The following RUNX1 variants were observed in gnomAD, a reference collection of about 807,000 sequenced individuals.
RUNX1 encodes the protein runt-related transcription factor 1.
A neutral mutation model predicts 42.8 loss-of-function variants in RUNX1; 19 were observed. The ratio of observed to expected loss-of-function variants is 0.44; its 90% confidence interval spans 0.31 to 0.65. RUNX1 has a LOEUF of 0.65. Among genes scored for constraint, RUNX1 ranks in the 30% least tolerant of loss-of-function variants. The pLI is 0.07. For synonymous variants in RUNX1, 271 were observed against 289.4 expected, an observed-to-expected ratio of 0.94 and a Z score of 0.64; for missense variants, 528 against 672.0, an observed-to-expected ratio of 0.79 and a Z score of 2.37.
At chr21:34,990,099 C>G (rs555942876) in intron 2 of RUNX1, among the ~76,000 whole-genome samples, 26 of 152,246 alleles carry the variant, frequency 1.7e-4, no homozygotes, top group African/African-American at 4.6e-4. Flanking sequence ...ACTCAAGGCT[C>G]TAAGGTTCTA....
intron 2 of RUNX1, among the ~76,000 whole-genome samples, chr21:34,923,933 A>G (rs2058373277): frequency 2.0e-5 from 3 of 152,154 alleles, no homozygotes; most frequent in Admixed American, 6.5e-5. Flanking sequence ...AGCCTTCTAT[A>G]GTCCCCAGTG....
intron 6 of RUNX1, among the ~76,000 whole-genome samples, chr21:34,847,042 A>G (rs1018450328): frequency 6.6e-6 from 1 of 152,220 alleles, no homozygotes; most frequent in African/African-American, 2.4e-5. Context: ...CCACAGGGGA[A>G]AAAAGGAATA....
At chr21:34,943,309 ACTTCTTT>A (rs201126648) in intron 2 of RUNX1, among the ~76,000 whole-genome samples, 10,744 of 152,262 alleles carry the variant, frequency 0.071, 528 homozygotes, top group African/African-American at 0.12. Context: ...TCCCCCTTTA[ACTTCTTT>A]GCTGTCTTTA....
chr21:35,020,026 C>T (rs545938411), intron 2 of RUNX1, among the ~76,000 whole-genome samples: 1 of 152,166 alleles, frequency 6.6e-6, no homozygotes, highest in South Asian at 2.1e-4. Flanking sequence ...CATCTTGGGT[C>T]TTAGGGTTTC....
At chr21:34,986,313 C>T (rs2058887545) in intron 2 of RUNX1, among the ~76,000 whole-genome samples, 1 of 151,886 alleles carries the variant, frequency 6.6e-6, no homozygotes, top group Non-Finnish European at 1.5e-5. Flanking sequence ...TTTCCTCAAA[C>T]CTGAAAGTTG....
At chr21:35,048,121 T>C (rs1473916899) in intron 2 of RUNX1, among the ~76,000 whole-genome samples, 1 of 152,222 alleles carries the variant, frequency 6.6e-6, no homozygotes, top group East Asian at 1.9e-4. Flanking sequence ...GGGAAACTTC[T>C]CTATTGCCCT....
chr21:34,991,521 G>T (rs1033367291), intron 2 of RUNX1, among the ~76,000 whole-genome samples: 1 of 150,284 alleles, frequency 6.7e-6, no homozygotes, highest in Non-Finnish European at 1.5e-5. Flanking sequence ...CTATGTGCCC[G>T]GCAGCATTCC....
intron 2 of RUNX1, among the ~76,000 whole-genome samples, chr21:34,906,059 A>G (rs2058215602): frequency 6.6e-6 from 1 of 152,256 alleles, no homozygotes; most frequent in South Asian, 2.1e-4. Flanking sequence ...TTCTGAAAAT[A>G]ACCTGAATTC....
intron 8 of RUNX1, among the ~76,000 whole-genome samples, chr21:34,798,869 G>A (rs921033879): frequency 2.6e-4 from 40 of 152,002 alleles, no homozygotes; most frequent in African/African-American, 9.2e-4. Flanking sequence ...ACCAAGGGGC[G>A]GCTGTATTTA....
chr21:34,846,543 C>T (rs1308611184), intron 6 of RUNX1, among the ~76,000 whole-genome samples: 1 of 152,110 alleles, frequency 6.6e-6, no homozygotes, highest in South Asian at 2.1e-4. Context: ...CTTCTTTCTC[C>T]TTCTGTAGAT....
intron 2 of RUNX1, among the ~76,000 whole-genome samples, chr21:34,978,937 T>TATACACACACACACACACACAC (rs71319521): frequency 7.5e-6 from 1 of 134,054 alleles, no homozygotes; most frequent in Non-Finnish European, 1.6e-5. Context: ...CACACACAGA[T>TATACACACACACACACACACAC]ACACACACAC....
intron 5 of RUNX1, among the ~76,000 whole-genome samples, chr21:34,872,041 A>C (rs1436171181): frequency 2.0e-5 from 3 of 151,994 alleles, no homozygotes; most frequent in Non-Finnish European, 4.4e-5. Context: ...ATGGGGTTTC[A>C]CCACGTTGGC....
intron 2 of RUNX1, among the ~76,000 whole-genome samples, chr21:34,925,132 TA>T (rs1184153469): frequency 1.3e-5 from 2 of 152,202 alleles, no homozygotes; most frequent in African/African-American, 2.4e-5. Flanking sequence ...ATGAAGTCCA[TA>T]AACTCTTCCC....
chr21:35,033,922 A>G (rs983809497), intron 2 of RUNX1, among the ~76,000 whole-genome samples: 4 of 152,234 alleles, frequency 2.6e-5, no homozygotes, highest in African/African-American at 9.6e-5. Context: ...CAATAATTTT[A>G]AAAGAGTTAA....
intron 2 of RUNX1, among the ~76,000 whole-genome samples, chr21:35,012,592 A>G (rs530076758): frequency 6.6e-6 from 1 of 152,352 alleles, no homozygotes; most frequent in South Asian, 2.1e-4. Flanking sequence ...ATTAATAAAA[A>G]TTAGTGACCC....
At chr21:34,917,482 G>A (rs1190824119) in intron 2 of RUNX1, among the ~76,000 whole-genome samples, 1 of 152,202 alleles carries the variant, frequency 6.6e-6, no homozygotes, top group Non-Finnish European at 1.5e-5. Flanking sequence ...ACCTAAAGGC[G>A]TGACTGGTTA....
At chr21:35,005,263 A>C (rs2834723) in intron 2 of RUNX1, among the ~76,000 whole-genome samples, 34,776 of 151,948 alleles carry the variant, frequency 0.23, 4,309 homozygotes, top group Middle Eastern at 0.3. Flanking sequence ...TACTCAGTAA[A>C]GACCCCCACT....
At chr21:35,012,240 T>A (rs574141712) in intron 2 of RUNX1, among the ~76,000 whole-genome samples, 3 of 152,306 alleles carry the variant, frequency 2.0e-5, no homozygotes, top group South Asian at 2.1e-4. Context: ...TTGTCCGTGA[T>A]GAAATTTCCA....
rs1014633812 is a variant in RUNX1 at position 34,889,688 on chromosome 21, G to C, written c.98-2592C>G. The C allele has an allele frequency of 2.5e-5, 29 of 1,165,758 alleles. 2 individuals carry two copies. In the Admixed American group the frequency reaches 1.3e-3, roughly 50 times the overall value. 72.2% of individuals were successfully genotyped at this position (1,165,758 alleles called of 1,614,324 possible). A position where few individuals can be genotyped will look rare whatever the true frequency, so the allele number is the denominator to read the frequency against. On this transcript the variant is annotated intron_variant, in intron 3 of 8. Coordinates refer to ENST00000675419, the MANE Select transcript of RUNX1 (RefSeq NM_001754.5). ...GGTGCGGAACCCACCCCGGCTTCGC[G>C]TGCGGGCGGCCGCTTCCCCCTGCGC...
Sources: allele counts gnomAD v4.1 joint callset (sites outside exome capture counted in the v4.1 genomes callset), GRCh38; gene constraint gnomAD v4.1.1; transcripts MANE v1.5; gene names NCBI Gene and HGNC (gene_info 2026-07-23, HGNC 2026-07-21).